MYO7B: variants seen among roughly 807,000 people sequenced by gnomAD.
MYO7B encodes unconventional myosin-VIIb.
In MYO7B, 212 loss-of-function variants were observed where a neutral mutation model predicts 259.7. That is an observed-to-expected ratio of 0.82 (90% CI 0.73 to 0.91). MYO7B has a LOEUF of 0.91. Among genes scored for constraint, MYO7B ranks in the 40% least tolerant of loss-of-function variants. The pLI is 0.00. For missense variants in MYO7B, 2,732 were observed against 2,813.5 expected, an observed-to-expected ratio of 0.97 and a Z score of 0.66; for synonymous variants, 1,197 against 1,166.4, an observed-to-expected ratio of 1.03 and a Z score of -0.54.
chr2:127,612,347 T>G lies in MYO7B; in HGVS notation c.3270+20T>G, dbSNP rs1680418069. ...GGCCAGGTGAGCCCAGAGCACAGAA[T>G]CTCTGCTCCCAGCTGCTGCTGGCCT... On this transcript the variant is annotated intron_variant, in intron 25 of 47. Coordinates refer to ENST00000409816, the MANE Select transcript of MYO7B (RefSeq NM_001393586.1). 1 of 1,345,936 alleles carries G rather than the reference T, an allele frequency of 7.4e-7. No homozygotes were observed. Among genetic ancestry groups the G allele is most frequent in the Admixed American group, 2.0e-5 (1 of 50,456 alleles). The allele number at this position is 1,345,936 out of a possible 1,614,324, so 83.4% of individuals were successfully genotyped here.
At chr2:127,553,472 A>T (rs1437988277) in intron 1 of MYO7B, among the ~76,000 whole-genome samples, 1 of 152,098 alleles carries the variant, frequency 6.6e-6, no homozygotes, top group African/African-American at 2.4e-5. Context: ...GAGGGCTTTC[A>T]CTTCCTTGGT....
rs1033906154 is a variant in MYO7B, at chr2:127,546,928, T to G, written c.-24+11097T>G. Among the ~76,000 whole-genome samples the G allele has an allele frequency of 4.0e-5, 6 of 148,254 alleles. No individual in the cohort carries two copies. Among genetic ancestry groups the G allele is most frequent in the Non-Finnish European group, 8.9e-5 (6 of 67,078 alleles). On this transcript the variant is annotated intron_variant, in intron 1 of 47. Transcript: ENST00000409816. The surrounding 1 kb of genome is among the most constrained non-coding windows in gnomAD (Gnocchi z 4.2). ...TCCACCCACCCACCCATTCACCCAC[T>G]CATTCAACCACTAATCGACTCATCC...
chr2:127,566,567 C>A (rs1336761682), intron 4 of MYO7B, 76 bp from the exon 5 acceptor site: 2 of 1,402,800 alleles, frequency 1.4e-6, no homozygotes, highest in Non-Finnish European at 9.4e-7. Context: ...AGAGCCAGAG[C>A]CAAGGCCAAG....
At chr2:127,599,514 AT>A (rs1679885467) in intron 19 of MYO7B, among the ~76,000 whole-genome samples, 1 of 151,824 alleles carries the variant, frequency 6.6e-6, no homozygotes, top group Non-Finnish European at 1.5e-5. Context: ...TATGTCTTTT[AT>A]TTCCTTCTCT....
intron 18 of MYO7B, among the ~76,000 whole-genome samples, chr2:127,594,637 A>T (rs761880039): frequency 1.3e-5 from 2 of 152,242 alleles, no homozygotes; most frequent in African/African-American, 4.8e-5. Context: ...ATTTTGAGGC[A>T]TGTTCCTTCA....
At chr2:127,588,787 G>A (rs1558819323) in intron 15 of MYO7B, among the ~76,000 whole-genome samples, 2 of 141,466 alleles carry the variant, frequency 1.4e-5, no homozygotes, top group African/African-American at 2.6e-5. Context: ...TGGGTGGTGG[G>A]TGGGTGGATG....
intron 26 of MYO7B, among the ~76,000 whole-genome samples, chr2:127,619,755 T>A (rs1263100774): frequency 6.6e-6 from 1 of 151,978 alleles, no homozygotes; most frequent in East Asian, 1.9e-4. Context: ...TTTGAGGTGT[T>A]AATGGGCCAC....
Position 127,590,538 on chromosome 2 carries a change from C to A in MYO7B, c.1992+309C>A, listed in dbSNP as rs999122406. ...TTCTGTTAAGTCAGACTTGCTCCTG[C>A]CTGCAGGAATGCACTGAGGGTTGGA... is the stretch of plus-strand genomic sequence containing the variant. On this transcript the variant is annotated intron_variant, in intron 16 of 47. Coordinates refer to ENST00000409816, the MANE Select transcript of MYO7B (RefSeq NM_001393586.1). The surrounding 1 kb of genome is among the most constrained non-coding windows in gnomAD (Gnocchi z 4.6). Among the ~76,000 whole-genome samples, 1 of 152,250 alleles carries A rather than the reference C, an allele frequency of 6.6e-6. No individual in the cohort carries two copies. The highest frequency in any genetic ancestry group is 2.1e-4 in the South Asian group (1 of 4,836).
At chr2:127,624,753 C>G (rs542413586) in intron 30 of MYO7B, among the ~76,000 whole-genome samples, 3 of 152,216 alleles carry the variant, frequency 2.0e-5, no homozygotes, top group African/African-American at 4.8e-5. Context: ...TCACCTGGAC[C>G]GTGCGGAGTG....
At chr2:127,637,105 A>AC (rs1217995251) in intron 47 of MYO7B, 192 bp downstream of exon 47, 3 of 1,094,332 alleles carry the variant, frequency 2.7e-6, no homozygotes, top group Admixed American at 4.0e-5. Flanking sequence ...GCCAGGCGGG[A>AC]CCCCCTGCGC....
At chr2:127,581,631 C>T (rs1573650053) in intron 10 of MYO7B, among the ~76,000 whole-genome samples, 1 of 152,136 alleles carries the variant, frequency 6.6e-6, no homozygotes, top group African/African-American at 2.4e-5. Context: ...CCCTCCCTCA[C>T]CCTCATTTTC....
Position 127,610,023 on chromosome 2 carries a change from G to T in MYO7B, c.3192+7G>T, listed in dbSNP as rs1054070539. On this transcript the variant is annotated splice_region_variant and intron_variant, in intron 24 of 47. Coordinates refer to ENST00000409816, the MANE Select transcript of MYO7B (RefSeq NM_001393586.1). Reference sequence around the variant, plus strand: ...GCACAGTAGATCTGCACAGGCAAGTGGGGGGCAGCAGCGGGCAGAGGAGGG... The same window carrying T: ...GCACAGTAGATCTGCACAGGCAAGTTGGGGGCAGCAGCGGGCAGAGGAGGG... 1.9e-6 allele frequency: 3 copies of T among 1,608,114 alleles called. No individual in the cohort carries two copies. Among genetic ancestry groups the T allele is most frequent in the East Asian group, 2.2e-5 (1 of 44,536 alleles).
intron 29 of MYO7B, among the ~76,000 whole-genome samples, 175 bp downstream of exon 29, chr2:127,623,550 G>A (rs1416838021): frequency 6.6e-6 from 1 of 152,098 alleles, no homozygotes. Context: ...CACACACAGA[G>A]CAAACAGCCT....
In MYO7B at chr2:127,586,026, G is replaced by C. The variant is rs1558817522; in HGVS notation, c.1690+1113G>C. Among the ~76,000 whole-genome samples the C allele has an allele frequency of 6.6e-6, 1 of 152,140 alleles. No individual in the cohort carries two copies. ...CATTCTGTGGATTGTCTTTTCATCT[G>C]CTTGACGGTGTCCTTTGAGGCCCAA... On this transcript the variant is annotated intron_variant, in intron 14 of 47. Coordinates refer to ENST00000409816, the MANE Select transcript of MYO7B (RefSeq NM_001393586.1). The surrounding 1 kb of genome is among the most constrained non-coding windows in gnomAD (Gnocchi z 4.8).
intron 26 of MYO7B, among the ~76,000 whole-genome samples, chr2:127,619,592 C>T (rs1680748636): frequency 6.6e-6 from 1 of 152,070 alleles, no homozygotes. Flanking sequence ...TGTCGTGTCG[C>T]AGTTGACATT....
chr2:127,562,506 T>G (rs1342046959), intron 2 of MYO7B, among the ~76,000 whole-genome samples: 9 of 106,124 alleles, frequency 8.5e-5, no homozygotes, highest in Non-Finnish European at 1.1e-4. Context: ...TTTTTTTTTT[T>G]GAGACGGAGT....
chr2:127,550,721 T>C (rs750179313), intron 1 of MYO7B, among the ~76,000 whole-genome samples: 2 of 151,888 alleles, frequency 1.3e-5, no homozygotes, highest in Non-Finnish European at 2.9e-5. Context: ...GCAACTTGGC[T>C]GTGGGGCAAA....
intron 18 of MYO7B, among the ~76,000 whole-genome samples, chr2:127,595,081 C>T (rs1679709414): frequency 1.3e-5 from 2 of 152,164 alleles, no homozygotes; most frequent in Non-Finnish European, 2.9e-5. Context: ...TGGTAGAATT[C>T]AGCTGTAAAT....
chr2:127,544,961 A>G (rs148135359), intron 1 of MYO7B, among the ~76,000 whole-genome samples: 22,795 of 148,680 alleles, frequency 0.15, 1,848 homozygotes, highest in African/African-American at 0.21. Flanking sequence ...TCCTGACCTC[A>G]TGATCCGCCC....
Sources: allele counts gnomAD v4.1 joint callset (sites outside exome capture counted in the v4.1 genomes callset), GRCh38; gene constraint gnomAD v4.1.1; non-coding constraint Gnocchi (gnomAD v3.1); transcripts MANE v1.5; gene names NCBI Gene and HGNC (gene_info 2026-07-23, HGNC 2026-07-21).